RPRD2: variants seen among roughly 807,000 people sequenced by gnomAD.
RPRD2 encodes regulation of nuclear pre-mRNA domain containing 2, also known as regulation of nuclear pre-mRNA domain-containing protein 2.
In RPRD2, 12 loss-of-function variants were observed where a neutral mutation model predicts 104.4. The ratio of observed to expected loss-of-function variants is 0.11; its 90% CI spans 0.07 to 0.19. The LOEUF is 0.19. Among genes scored for constraint, RPRD2 ranks in the 10% least tolerant of loss-of-function variants. The pLI is 1.00. For missense variants in RPRD2, 1,543 were observed against 1,790.1 expected (o/e 0.86, Z 2.49); for synonymous variants, 714 against 684.9 (o/e 1.04, Z -0.66).
intron 1 of RPRD2, among the ~76,000 whole-genome samples, chr1:150,378,012 T>C (rs1418091094): frequency 6.6e-6 from 1 of 152,164 alleles, no homozygotes; most frequent in Non-Finnish European, 1.5e-5. Flanking sequence ...TTTTGTTTTA[T>C]ATAAGCAGAA....
intron 2 of RPRD2, among the ~76,000 whole-genome samples, chr1:150,427,767 C>G (rs1665255439): frequency 6.6e-6 from 1 of 152,088 alleles, no homozygotes; most frequent in Non-Finnish European, 1.5e-5. Context: ...CTATTGCACT[C>G]TAGCCTGGGT....
Position 150,370,092 on chromosome 1 carries a change from G to GT in RPRD2, c.205+5179dup, listed in dbSNP as rs587654757. 2.2e-4 allele frequency among the ~76,000 whole-genome samples: 34 copies of GT among 151,936 alleles called. 1 individual carries two copies. The South Asian group carries it at 7.0e-3, about 31-fold the overall frequency. On this transcript the variant is annotated intron_variant, in intron 1 of 10. Coordinates refer to ENST00000369068, the MANE Select transcript of RPRD2 (RefSeq NM_015203.5). ...CCACCACGCCCGGCCAAATTTTTATGTTTTTTGTAGAGACGAGGTATTGCC... is the reference window on the plus strand; with the variant it reads ...CCACCACGCCCGGCCAAATTTTTATGTTTTTTTGTAGAGACGAGGTATTGCC...
chr1:150,413,339 G>A (rs1467498652), intron 1 of RPRD2, among the ~76,000 whole-genome samples: 1 of 152,170 alleles, frequency 6.6e-6, no homozygotes, highest in Non-Finnish European at 1.5e-5. Context: ...TGTGGCTCAC[G>A]CCTGTAATTC....
intron 1 of RPRD2, among the ~76,000 whole-genome samples, chr1:150,402,941 C>G (rs1426063705): frequency 7.6e-6 from 1 of 131,882 alleles, no homozygotes; most frequent in Admixed American, 7.3e-5. Context: ...GCACTCCAGC[C>G]TGGGTAACAA....
rs587637707 is a variant in RPRD2, at chr1:150,369,097, G to A, written c.205+4178G>A. Among the ~76,000 whole-genome samples, 8 of 152,272 alleles carry A rather than the reference G, an allele frequency of 5.3e-5. No homozygotes were observed. The South Asian group carries it at 1.7e-3, about 32-fold the overall frequency. On this transcript the variant is annotated intron_variant, in intron 1 of 10. Transcript: ENST00000369068. Reference sequence around the variant, plus strand: ...TACAGTTAGCAATCAGTAAATGTTTGCCAACATAATGTGAAATAGCTAATC... The same window carrying A: ...TACAGTTAGCAATCAGTAAATGTTTACCAACATAATGTGAAATAGCTAATC...
At chr1:150,418,509 C>A (rs1381190615) in intron 2 of RPRD2, among the ~76,000 whole-genome samples, 1 of 152,148 alleles carries the variant, frequency 6.6e-6, no homozygotes, top group Non-Finnish European at 1.5e-5. Flanking sequence ...ATACTCCCAA[C>A]TCCATGTTGA....
At position 150,444,381 on chromosome 1, in the gene RPRD2, A is replaced by G. The variant is rs1553895180; in HGVS notation, c.694+4A>G. 6.2e-7 allele frequency: 1 copy of G among 1,611,948 alleles called. No homozygotes were observed. Among genetic ancestry groups the G allele is most frequent in the Admixed American group, 1.7e-5 (1 of 59,568 alleles). ...GAAACTCTCAAATGCTTAAAAGGTA[A>G]TGCTTACATCCTTTTAGAGTAAGTC... On this transcript the variant is annotated splice_donor_region_variant and intron_variant, in intron 6 of 10. Coordinates refer to ENST00000369068, the MANE Select transcript of RPRD2 (RefSeq NM_015203.5).
chr1:150,417,483 T>C, intron 1 of RPRD2, 113 bp from the exon 2 acceptor site: 1 of 777,392 alleles, frequency 1.3e-6, no homozygotes, highest in Non-Finnish European at 1.8e-6. Context: ...TTTATATCCA[T>C]GTAAGAAAAA....
Position 150,446,358 on chromosome 1 carries a change from T to A in RPRD2, c.827T>A (p.Ile276Asn), listed in dbSNP as rs1666771956. Residue 276 changes from isoleucine to asparagine, a missense_variant, in exon 7 of 11, where the codon ATT becomes AAT. Transcript: ENST00000369068. ...SLTEALENAG[I>N]FYEAQYKEVK... The stretch of plus-strand genomic sequence containing the variant: ...ACAGAAGCACTGGAAAATGCTGGAA[T>A]TTTCTATGAAGCACAATACAAAGAA... 6.2e-7 allele frequency: 1 copy of A among 1,610,616 alleles called. No homozygotes were observed. Among genetic ancestry groups the A allele is most frequent in the African/African-American group, 1.3e-5 (1 of 74,678 alleles).
intron 1 of RPRD2, among the ~76,000 whole-genome samples, chr1:150,372,702 AAGG>A (rs1464349302): frequency 6.6e-6 from 1 of 152,192 alleles, no homozygotes; most frequent in Non-Finnish European, 1.5e-5. Context: ...ACATCTGAGT[AAGG>A]AGGTATGATA....
rs1666362992 is a variant in RPRD2 at position 150,440,778 on chromosome 1, C to A, written c.336-145C>A. ...TCTTAAAGTTTAAGATTTCTTTAGT[C>A]CTGGATATTATAGAAAAAAGGTTTT... On this transcript the variant is annotated intron_variant, in intron 2 of 10. Transcript: ENST00000369068. The A allele has an allele frequency of 1.3e-5, 8 of 599,012 alleles. No homozygotes were observed. The South Asian group carries it at 1.6e-4, about 12-fold the overall frequency. 37.1% of individuals were successfully genotyped at this position (599,012 alleles called of 1,614,324 possible). A position where few individuals can be genotyped will look rare whatever the true frequency, so the allele number is the denominator to read the frequency against.
intron 2 of RPRD2, among the ~76,000 whole-genome samples, chr1:150,433,726 T>G (rs960437606): frequency 2.6e-5 from 3 of 117,172 alleles, no homozygotes; most frequent in African/African-American, 9.5e-5. Context: ...TTACCATAGT[T>G]TTTTTTTTAA....
chr1:150,394,718 GT>G (rs1327283675), intron 1 of RPRD2, among the ~76,000 whole-genome samples: 1 of 152,072 alleles, frequency 6.6e-6, no homozygotes, highest in Non-Finnish European at 1.5e-5. Flanking sequence ...AGCCTCCAGA[GT>G]AGGTGGTGCA....
At chr1:150,377,322 C>G (rs587697035) in intron 1 of RPRD2, among the ~76,000 whole-genome samples, 1 of 151,910 alleles carries the variant, frequency 6.6e-6, no homozygotes, top group Non-Finnish European at 1.5e-5. Flanking sequence ...GTAAATGGGC[C>G]GGGCGCGGTG....
Position 150,470,646 on chromosome 1 carries a change from C to T in RPRD2, c.1698C>T (p.Ala566=), listed in dbSNP as rs1457801695. The T allele has an allele frequency of 3.1e-6, 5 of 1,614,018 alleles. No homozygotes were observed. Among genetic ancestry groups the T allele is most frequent in the African/African-American group, 1.3e-5 (1 of 75,054 alleles). The part of the protein sequence containing the change: ...AASQSTSASP[A]NTTVSTIKGR... ...CACAGAGCACTTCAGCCTCCCCTGCCAACACCACAGTCTCTACCATAAAGG... is the reference window on the plus strand; with the variant it reads ...CACAGAGCACTTCAGCCTCCCCTGCTAACACCACAGTCTCTACCATAAAGG... Residue 566 remains alanine (A), a synonymous_variant, in exon 11 of 11, where the codon GCC becomes GCT. Transcript: ENST00000369068.
intron 2 of RPRD2, among the ~76,000 whole-genome samples, chr1:150,430,728 G>A (rs1289871700): frequency 1.3e-5 from 2 of 152,114 alleles, no homozygotes; most frequent in Non-Finnish European, 2.9e-5. Context: ...TTGGGAGTTC[G>A]AGACCAGCCT....
intron 1 of RPRD2, among the ~76,000 whole-genome samples, chr1:150,367,295 A>G (rs184898899): frequency 4.8e-4 from 73 of 152,312 alleles, no homozygotes; most frequent in African/African-American, 1.6e-3. Flanking sequence ...CAATGAAAAC[A>G]GTTTATGCAT....
At chr1:150,430,545 A>G (rs1179091942) in intron 2 of RPRD2, among the ~76,000 whole-genome samples, 1 of 152,192 alleles carries the variant, frequency 6.6e-6, no homozygotes, top group African/African-American at 2.4e-5. Context: ...GTGTACTTAC[A>G]GTCCCAGCTA....
At chr1:150,413,931 GAAA>G (rs797035896) in intron 1 of RPRD2, among the ~76,000 whole-genome samples, 1 of 142,852 alleles carries the variant, frequency 7.0e-6, no homozygotes, top group Non-Finnish European at 1.5e-5. Context: ...ATCTCAAAAA[GAAA>G]AAAAAAAAAT....
Sources: allele counts gnomAD v4.1 joint callset (sites outside exome capture counted in the v4.1 genomes callset), GRCh38; gene constraint gnomAD v4.1.1; transcripts MANE v1.5; gene names NCBI Gene and HGNC (gene_info 2026-07-23, HGNC 2026-07-21).